Variants in IMMP2L observed in about 807,000 individuals in gnomAD.
IMMP2L encodes mitochondrial inner membrane protease subunit 2.
In IMMP2L, 18 loss-of-function variants were observed where a neutral mutation model predicts 19.3. That is an observed-to-expected ratio of 0.93 (90% CI 0.64 to 1.38). The LOEUF (loss-of-function observed/expected upper bound fraction) is 1.38, where lower values mean the gene tolerates loss of function less well. Ranked by LOEUF, IMMP2L falls within the 40% of genes most tolerant of loss-of-function variation. IMMP2L has a pLI of 0.00. For missense variants in IMMP2L, 233 were observed against 218.2 expected, an observed-to-expected ratio of 1.07 and a Z score of -0.43; for synonymous variants, 76 against 73.0, an observed-to-expected ratio of 1.04 and a Z score of -0.21.
intron 1 of IMMP2L, among the ~76,000 whole-genome samples, chr7:111,531,635 C>T (rs1282924979): frequency 6.6e-6 from 1 of 152,090 alleles, no homozygotes; most frequent in African/African-American, 2.4e-5. Context: ...CTAATAACCA[C>T]AAAATTTGGA....
chr7:110,907,780 T>C (rs1046776835), intron 4 of IMMP2L, among the ~76,000 whole-genome samples: 6 of 152,184 alleles, frequency 3.9e-5, no homozygotes, highest in Admixed American at 1.3e-4. Flanking sequence ...TCATAAGCAA[T>C]TTAAATGTTT....
intron 4 of IMMP2L, among the ~76,000 whole-genome samples, chr7:110,958,254 C>T (rs960044338): frequency 6.6e-6 from 1 of 151,926 alleles, no homozygotes; most frequent in Admixed American, 6.6e-5. Context: ...GAAAATTTGG[C>T]AGTATATATT....
At chr7:111,532,329 GAATGGTAC>G (rs1411346309) in intron 1 of IMMP2L, among the ~76,000 whole-genome samples, 1 of 152,048 alleles carries the variant, frequency 6.6e-6, no homozygotes, top group African/African-American at 2.4e-5. Context: ...TCTTATTTTA[GAATGGTAC>G]AAGGGTCTTA....
intron 3 of IMMP2L, among the ~76,000 whole-genome samples, chr7:111,483,237 T>C (rs1025191659): frequency 5.9e-5 from 9 of 152,190 alleles, no homozygotes; most frequent in African/African-American, 1.7e-4. Context: ...CACTTTTAAA[T>C]GTGATTATTT....
At chr7:111,283,218 G>A (rs1820097195) in intron 3 of IMMP2L, among the ~76,000 whole-genome samples, 1 of 152,016 alleles carries the variant, frequency 6.6e-6, no homozygotes. Context: ...GTAACCAATG[G>A]GTCAAAGAAG....
At chr7:111,311,876 G>C (rs1055779841) in intron 3 of IMMP2L, among the ~76,000 whole-genome samples, 1 of 152,048 alleles carries the variant, frequency 6.6e-6, no homozygotes, top group African/African-American at 2.4e-5. Flanking sequence ...GATTACACTG[G>C]GACACTCAGC....
intron 3 of IMMP2L, among the ~76,000 whole-genome samples, chr7:111,254,919 T>C (rs1816541460): frequency 6.6e-6 from 1 of 152,186 alleles, no homozygotes; most frequent in South Asian, 2.1e-4. Flanking sequence ...ACATTAACTT[T>C]TGCATAGCAA....
chr7:110,745,775 C>A (rs563798354), intron 5 of IMMP2L, among the ~76,000 whole-genome samples: 1 of 152,124 alleles, frequency 6.6e-6, no homozygotes, highest in Admixed American at 6.5e-5. Context: ...AAGGAACAAC[C>A]AGCACCAGCC....
intron 4 of IMMP2L, among the ~76,000 whole-genome samples, chr7:110,903,776 C>CT (rs796373597): frequency 0.037 from 5,442 of 145,810 alleles, 326 homozygotes; most frequent in African/African-American, 0.13. Context: ...TCTGTTTTCA[C>CT]TTTTTTTTTT....
At chr7:111,217,993 A>T (rs1204697267) in intron 3 of IMMP2L, among the ~76,000 whole-genome samples, 1 of 152,064 alleles carries the variant, frequency 6.6e-6, no homozygotes, top group African/African-American at 2.4e-5. Flanking sequence ...TTTCAAAATA[A>T]TGAGCTACGG....
chr7:111,375,876 A>G (rs1830640637), intron 3 of IMMP2L, among the ~76,000 whole-genome samples: 1 of 152,086 alleles, frequency 6.6e-6, no homozygotes, highest in African/African-American at 2.4e-5. Context: ...CTTTGTCTCT[A>G]TGAGATTATG....
intron 5 of IMMP2L, among the ~76,000 whole-genome samples, chr7:110,732,603 G>A (rs757086049): frequency 5.3e-5 from 8 of 152,014 alleles, no homozygotes; most frequent in South Asian, 4.2e-4. Context: ...ACAAACATTT[G>A]GAACTCATGG....
intron 3 of IMMP2L, among the ~76,000 whole-genome samples, chr7:111,337,366 A>G (rs1826534620): frequency 6.6e-6 from 1 of 152,096 alleles, no homozygotes; most frequent in African/African-American, 2.4e-5. Context: ...TCACCCCATT[A>G]ATTACTTTTT....
chr7:110,840,886 T>G (rs928978040), intron 5 of IMMP2L, among the ~76,000 whole-genome samples: 2 of 152,080 alleles, frequency 1.3e-5, no homozygotes, highest in African/African-American at 4.8e-5. Context: ...AAGCTCTCTA[T>G]TCTTAATGGA....
chr7:111,539,224 A>G (rs1309473943), intron 1 of IMMP2L, among the ~76,000 whole-genome samples: 39 of 123,898 alleles, frequency 3.1e-4, no homozygotes, highest in African/African-American at 1.2e-3. Flanking sequence ...GAAAGAAAGA[A>G]AGAAAGAAAG....
intron 4 of IMMP2L, among the ~76,000 whole-genome samples, chr7:110,900,809 G>A (rs1811783078): frequency 6.6e-6 from 1 of 152,028 alleles, no homozygotes; most frequent in African/African-American, 2.4e-5. Context: ...GTTGCCAAAT[G>A]TCCAGAGGGT....
In IMMP2L at chr7:110,870,399, G is replaced by A. The variant is rs1808411176; in HGVS notation, c.408+16194C>T. Among the ~76,000 whole-genome samples, 1 of 152,080 alleles carries A rather than the reference G, an allele frequency of 6.6e-6. No individual in the cohort carries two copies. Among genetic ancestry groups the A allele is most frequent in the African/African-American group, 2.4e-5 (1 of 41,434 alleles). On this transcript the variant is annotated intron_variant, in intron 5 of 5. Transcript: ENST00000405709. This position sits in a 1 kb window ranked among gnomAD's most constrained non-coding sequence, Gnocchi z 4.2. Reference sequence around the variant, plus strand: ...ACAAAATGTAGTAGGTGCCTATTATGAGCCAGCCAGGCACTGTGCTACAGC... The same window carrying A: ...ACAAAATGTAGTAGGTGCCTATTATAAGCCAGCCAGGCACTGTGCTACAGC...
At chr7:111,552,661 A>G (rs1184312876) in intron 1 of IMMP2L, among the ~76,000 whole-genome samples, 1 of 152,160 alleles carries the variant, frequency 6.6e-6, no homozygotes, top group Non-Finnish European at 1.5e-5. Context: ...ACTCAAAGCA[A>G]TCCTATGTCA....
chr7:111,469,132 G>C lies in IMMP2L; in HGVS notation c.239+18106C>G, dbSNP rs983004932. Among the ~76,000 whole-genome samples the C allele has an allele frequency of 2.6e-5, 4 of 152,134 alleles. 1 individual carries two copies. Among genetic ancestry groups the C allele is most frequent in the Admixed American group, 2.6e-4 (4 of 15,270 alleles). On this transcript the variant is annotated intron_variant, in intron 3 of 5. Transcript: ENST00000405709. ...GATCTATATCTCTGTTTTGGTACCA[G>C]TACCATGCTGTTTTGGTTACTGTAG... is the stretch of plus-strand genomic sequence containing the variant.
Sources: gnomAD v4.1 joint callset for allele counts (sites outside exome capture counted in the v4.1 genomes callset) on GRCh38, gnomAD v4.1.1 for gene constraint, Gnocchi (gnomAD v3.1) non-coding constraint, MANE v1.5 for transcripts, NCBI Gene and HGNC (gene_info 2026-07-23, HGNC 2026-07-21) for gene names.